KIAA1755: variants seen among roughly 807,000 people sequenced by gnomAD.
KIAA1755 encodes the protein KIAA1755, also known as uncharacterized protein KIAA1755.
KIAA1755 carries 68 observed loss-of-function variants against 91.7 expected under a neutral mutation model. The ratio of observed to expected loss-of-function variants is 0.74; its 90% CI spans 0.61 to 0.91. The LOEUF is 0.91. Ranked by LOEUF, KIAA1755 falls within the 40% of genes least tolerant of loss-of-function variation. The pLI is 0.00. For missense variants in KIAA1755, 1,535 were observed against 1,494.4 expected, an observed-to-expected ratio of 1.03 and a Z score of -0.45; for synonymous variants, 610 against 604.6, an observed-to-expected ratio of 1.01 and a Z score of -0.13.
Position 38,219,761 on chromosome 20 carries a change from G to C in KIAA1755, c.2425C>G (p.Leu809Val). ...LDFSPDVRSH[L>V]AAATALYSLV... ...CTGTACAAGGCAGTGGCTGCAGCCA[G>C]ATGGCTCCTGGGAGGTGGGCGGAGG... Residue 809 changes from leucine to valine, a missense_variant, in exon 11 of 14, where the codon CTG (leucine) becomes GTG (valine). Leu to Val is a conservative substitution (Grantham distance 32). Coordinates refer to ENST00000279024, the MANE Select transcript of KIAA1755 (RefSeq NM_001029864.2). 6.2e-7 allele frequency: 1 copy of C among 1,614,168 alleles called. No individual in the cohort carries two copies. Among genetic ancestry groups the C allele is most frequent in the Non-Finnish European group, 8.5e-7 (1 of 1,180,022 alleles).
intron 9 of KIAA1755, 86 bp downstream of exon 9, chr20:38,223,451 TC>T: frequency 1.2e-6 from 1 of 861,852 alleles, no homozygotes; most frequent in Admixed American, 3.7e-5. Flanking sequence ...CTCCCCCTTT[TC>T]CCCAGGCCGT....
In KIAA1755 at chr20:38,220,599, C is replaced by A. The variant is rs8121566; in HGVS notation, c.2418-831G>T. 2.0e-3 allele frequency among the ~76,000 whole-genome samples: 300 copies of A among 152,318 alleles called. 2 individuals carry two copies. The highest frequency in any genetic ancestry group is 7.1e-3 in the African/African-American group (295 of 41,572). On this transcript the variant is annotated intron_variant, in intron 10 of 13. Transcript: ENST00000279024. The stretch of plus-strand genomic sequence containing the variant: ...AAAGTGCTGGCATTATAGGCATAAG[C>A]CACCACGCCCGGCTGAGACACTGAT...
chr20:38,254,479 C>T (rs755994448), intron 1 of KIAA1755, among the ~76,000 whole-genome samples: 4 of 152,092 alleles, frequency 2.6e-5, no homozygotes, highest in Non-Finnish European at 5.9e-5. Context: ...CCAGTAGGGG[C>T]ATTCTAGAAT....
chr20:38,226,423 T>C (rs888597845), intron 7 of KIAA1755, among the ~76,000 whole-genome samples: 8 of 152,212 alleles, frequency 5.3e-5, no homozygotes, highest in Admixed American at 4.6e-4. Context: ...ACCTAGGACA[T>C]GTTGGAAATT....
At chr20:38,257,687 T>C (rs1259964952) in intron 1 of KIAA1755, among the ~76,000 whole-genome samples, 2 of 151,738 alleles carry the variant, frequency 1.3e-5, no homozygotes, top group African/African-American at 4.8e-5. Context: ...AGCGAGAAAG[T>C]TACTCCAGTT....
At chr20:38,231,013 C>T (rs1191750855) in intron 5 of KIAA1755, among the ~76,000 whole-genome samples, 189 bp downstream of exon 5, 1 of 152,198 alleles carries the variant, frequency 6.6e-6, no homozygotes, top group Non-Finnish European at 1.5e-5. Flanking sequence ...CTCCCACCAG[C>T]CTGACAACCC....
At chr20:38,222,317 GC>G (rs1363064318) in intron 10 of KIAA1755, 131 bp downstream of exon 10, 15 of 906,534 alleles carry the variant, frequency 1.7e-5, no homozygotes, top group Non-Finnish European at 2.4e-5. Flanking sequence ...TGGGATACAG[GC>G]CCTGCAACTA....
rs764268351 is a variant in KIAA1755 at position 38,222,600 on chromosome 20, G to T, written c.2269-3C>A. On this transcript the variant is annotated splice_region_variant and splice_polypyrimidine_tract_variant and intron_variant, in intron 9 of 13. Coordinates refer to ENST00000279024, the MANE Select transcript of KIAA1755 (RefSeq NM_001029864.2). ...TTGCTCAGGCACCTGGTAGCCTCCT[G>T]CCAGCGTAGGGAGGTGCCCTGAGGC... 8.1e-6 allele frequency: 13 copies of T among 1,611,286 alleles called. 2 individuals are homozygous for T. The highest frequency in any genetic ancestry group is 7.6e-6 in the Non-Finnish European group (9 of 1,179,926).
At chr20:38,259,010 T>C (rs1312050325) in intron 1 of KIAA1755, among the ~76,000 whole-genome samples, 1 of 151,858 alleles carries the variant, frequency 6.6e-6, no homozygotes, top group Non-Finnish European at 1.5e-5. Flanking sequence ...GACCGCCGAG[T>C]GCAGGCTCAG....
chr20:38,223,686 G>C, intron 8 of KIAA1755, 50 bp from the exon 9 acceptor site: 1 of 1,431,232 alleles, frequency 7.0e-7, no homozygotes. Flanking sequence ...CCAACCAGGA[G>C]GATGCCTCTT....
rs761686020 is a variant in KIAA1755, at chr20:38,240,768, G to A, written c.1363C>T (p.Pro455Ser). ...ERNGRLPKPM[P>S]CPSRNTSSPE... ...GAGGAGGTGTTTCTGCTAGGGCAGGGCATGGGCTTGGGAAGTCTCCCATTT... is the reference window on the plus strand; with the variant it reads ...GAGGAGGTGTTTCTGCTAGGGCAGGACATGGGCTTGGGAAGTCTCCCATTT... Residue 455 changes from proline to serine, a missense_variant, in exon 3 of 14, where the codon CCC becomes TCC. Coordinates refer to ENST00000279024, the MANE Select transcript of KIAA1755 (RefSeq NM_001029864.2). 2 of 1,598,290 alleles carry A rather than the reference G, an allele frequency of 1.3e-6. No individual in the cohort carries two copies. The highest frequency in any genetic ancestry group is 1.7e-6 in the Non-Finnish European group (2 of 1,171,692).
At chr20:38,247,249 C>A (rs1225274334) in intron 1 of KIAA1755, among the ~76,000 whole-genome samples, 1 of 152,214 alleles carries the variant, frequency 6.6e-6, no homozygotes, top group Non-Finnish European at 1.5e-5. Context: ...GAAGCATCAG[C>A]CTCCAGGCAT....
chr20:38,231,248 CTG>C lies in KIAA1755; in HGVS notation c.1823_1824del (p.Thr608SerfsTer18), dbSNP rs773297936. On this transcript the variant is annotated frameshift_variant, in exon 5 of 14. Coordinates refer to ENST00000279024, the MANE Select transcript of KIAA1755 (RefSeq NM_001029864.2). LOFTEE classifies it high-confidence loss of function. ...GACAGTAGCTTGGTGACCTCTGAAA[CTG>C]TGCACCATGGTGCCTCCCAGGCCCC... ...TEGAWEAPWC[T>X]VSEVTKLLSY... is the part of the protein sequence containing the mutation. 2.1e-5 allele frequency: 34 copies of C among 1,613,530 alleles called. No homozygotes were observed. The highest frequency in any genetic ancestry group is 2.8e-5 in the Non-Finnish European group (33 of 1,179,908).
chr20:38,220,462 G>A (rs1172517752), intron 10 of KIAA1755, among the ~76,000 whole-genome samples: 2 of 151,990 alleles, frequency 1.3e-5, no homozygotes, highest in Non-Finnish European at 2.9e-5. Flanking sequence ...TTACAGGCAC[G>A]CACCACCATG....
At position 38,260,686 on chromosome 20, in the gene KIAA1755, G is replaced by C; in HGVS notation, c.-186C>G. The C allele has an allele frequency of 1.8e-6, 1 of 550,844 alleles. No individual in the cohort carries two copies. 34.1% of individuals were successfully genotyped at this position (550,844 alleles called of 1,614,324 possible). A position where few individuals can be genotyped will look rare whatever the true frequency, so the allele number is the denominator to read the frequency against. On this transcript the variant is annotated 5_prime_UTR_variant, in exon 1 of 14. Coordinates refer to ENST00000279024, the MANE Select transcript of KIAA1755 (RefSeq NM_001029864.2). ...AGCGGCCGGGGAGGACAGGGAGAGAGACTGAGAGAGAGACAGAGAGGGACT... is the reference window on the plus strand; with the variant it reads ...AGCGGCCGGGGAGGACAGGGAGAGACACTGAGAGAGAGACAGAGAGGGACT...
At chr20:38,259,220 G>A (rs1035905774) in intron 1 of KIAA1755, among the ~76,000 whole-genome samples, 12 of 152,172 alleles carry the variant, frequency 7.9e-5, no homozygotes, top group African/African-American at 2.9e-4. Flanking sequence ...ACTGGCTTAT[G>A]AGAGTATTTT....
intron 10 of KIAA1755, 145 bp from the exon 11 acceptor site, chr20:38,219,913 TCACC>T: frequency 9.8e-6 from 10 of 1,018,268 alleles, no homozygotes; most frequent in South Asian, 1.6e-5. Flanking sequence ...GGCAGGCCCT[TCACC>T]AAGGGCCTCA....
chr20:38,240,932 A>G lies in KIAA1755; in HGVS notation c.1199T>C (p.Met400Thr). The G allele has an allele frequency of 6.2e-7, 1 of 1,614,062 alleles. No individual in the cohort carries two copies. The highest frequency in any genetic ancestry group is 1.1e-5 in the South Asian group (1 of 91,082). The change falls in exon 3 of 14, where the codon ATG becomes ACG. Residue 400 changes from methionine to threonine, a missense_variant. Transcript: ENST00000279024. ...GVSQEPAASK[M>T]QGPLGNPENM... ...CTCTGGGTTTCCTAGAGGTCCCTGC[A>G]TCTTGGAGGCAGCTGGCTCTTGTGA...
intron 10 of KIAA1755, 99 bp downstream of exon 10, chr20:38,222,350 G>A: frequency 3.0e-6 from 4 of 1,333,182 alleles, no homozygotes; most frequent in Non-Finnish European, 4.1e-6. Flanking sequence ...GGCGCCCTCG[G>A]GGCTCAGCTA....
Sources: gnomAD v4.1 joint callset for allele counts (sites outside exome capture counted in the v4.1 genomes callset) on GRCh38, gnomAD v4.1.1 for gene constraint, MANE v1.5 for transcripts, NCBI Gene and HGNC (gene_info 2026-07-23, HGNC 2026-07-21) for gene names.